Variants in CACNB2 observed in about 807,000 individuals in gnomAD.
CACNB2 encodes calcium voltage-gated channel auxiliary subunit beta 2.
A neutral mutation model predicts 73.3 loss-of-function variants in CACNB2; 42 were observed. The observed-to-expected ratio is 0.57, with a 90% CI of 0.45 to 0.74. The LOEUF (loss-of-function observed/expected upper bound fraction) is 0.74. CACNB2 is among the 30% of genes least tolerant of loss of function. CACNB2 has a pLI of 0.00. For synonymous variants in CACNB2, 348 were observed against 310.3 expected, an observed-to-expected ratio of 1.12 and a Z score of -1.28; for missense variants, 940 against 853.0, an observed-to-expected ratio of 1.10 and a Z score of -1.27.
At chr10:18,456,454 A>G (rs1230638110) in intron 3 of CACNB2, among the ~76,000 whole-genome samples, 1 of 152,024 alleles carries the variant, frequency 6.6e-6, no homozygotes, top group African/African-American at 2.4e-5. Context: ...ACAGAGCAAG[A>G]CTCCATCTCA....
intron 2 of CACNB2, among the ~76,000 whole-genome samples, chr10:18,234,017 T>C (rs999822148): frequency 6.6e-6 from 1 of 152,084 alleles, no homozygotes; most frequent in Non-Finnish European, 1.5e-5. Context: ...CAATTCCAGT[T>C]CCTGATGGTA....
rs1220271245 is a variant in CACNB2 at position 18,541,613 on chromosome 10, CA to C, written c.*1891del. 1 of 152,154 alleles carries C rather than the reference CA, an allele frequency of 6.6e-6. No homozygotes were observed. The highest frequency in any genetic ancestry group is 2.4e-5 in the African/African-American group (1 of 41,422). The allele number at this position is 152,154 out of a possible 1,614,324, so 9.4% of individuals were successfully genotyped here. On this transcript the variant is annotated 3_prime_UTR_variant, in exon 14 of 14. Transcript: ENST00000324631. ...CAGTGGCTCATGCCTGTAATCCCAG[CA>C]ATTTGGGAGGCTGAGGAGGGTGGAT...
intron 2 of CACNB2, among the ~76,000 whole-genome samples, chr10:18,339,403 C>A (rs1483772225): frequency 6.6e-6 from 1 of 152,148 alleles, no homozygotes. Context: ...GGCCTATAAT[C>A]CCAGCTACTC....
chr10:18,224,232 A>G (rs891194667), intron 2 of CACNB2: 7 of 152,146 alleles, frequency 4.6e-5, no homozygotes, highest in Admixed American at 4.6e-4. Context: ...ACTGCTTTAA[A>G]CACAGCAAAC....
chr10:18,387,743 G>A (rs1002869523), intron 2 of CACNB2, among the ~76,000 whole-genome samples: 1 of 151,714 alleles, frequency 6.6e-6, no homozygotes, highest in Non-Finnish European at 1.5e-5. Context: ...CATAGTCACC[G>A]AGCCATTTCT....
At chr10:18,474,530 A>G (rs1476491903) in intron 3 of CACNB2, among the ~76,000 whole-genome samples, 1 of 152,132 alleles carries the variant, frequency 6.6e-6, no homozygotes, top group African/African-American at 2.4e-5. Flanking sequence ...CAATTCCCCA[A>G]CTGTTTTCCT....
chr10:18,326,001 G>C (rs2040576506), intron 2 of CACNB2, among the ~76,000 whole-genome samples: 1 of 152,080 alleles, frequency 6.6e-6, no homozygotes, highest in South Asian at 2.1e-4. Flanking sequence ...TCCCAAAGCT[G>C]CTGAGATTAT....
intron 2 of CACNB2, among the ~76,000 whole-genome samples, chr10:18,350,035 G>A (rs2041640067): frequency 6.6e-6 from 1 of 152,126 alleles, no homozygotes; most frequent in South Asian, 2.1e-4. Flanking sequence ...CCTGAGGTCA[G>A]GAGTTTGAGA....
At chr10:18,346,612 G>C (rs1391769294) in intron 2 of CACNB2, among the ~76,000 whole-genome samples, 13 of 150,778 alleles carry the variant, frequency 8.6e-5, no homozygotes, top group Admixed American at 6.6e-5. Context: ...GGGGAGCTCG[G>C]GGGGCACAGG....
intron 2 of CACNB2, among the ~76,000 whole-genome samples, chr10:18,279,615 G>T (rs544259949): frequency 1.3e-5 from 2 of 152,314 alleles, no homozygotes; most frequent in East Asian, 3.9e-4. Flanking sequence ...TCTGACAAGG[G>T]TTGGCATTTA....
intron 2 of CACNB2, among the ~76,000 whole-genome samples, chr10:18,242,753 G>C (rs995628558): frequency 6.6e-6 from 1 of 151,878 alleles, no homozygotes; most frequent in Non-Finnish European, 1.5e-5. Context: ...GGGAGGCTGA[G>C]GCAGGTGGAT....
In CACNB2 at chr10:18,156,873, A is replaced by AC. The variant is rs1554761552; in HGVS notation, c.213+5898_213+5899insC. On this transcript the variant is annotated intron_variant, in intron 2 of 13. Transcript: ENST00000324631. ...GAGAAACCCTGTCTCTACTAAAAGT[A>AC]GAAAAAAAAAAAAAAATTGGCTGGG... 7.3e-3 allele frequency among the ~76,000 whole-genome samples: 939 copies of AC among 128,772 alleles called. 14 individuals carry two copies. Among genetic ancestry groups the AC allele is most frequent in the African/African-American group, 0.024 (799 of 33,334 alleles). The allele number at this position is 128,772 out of a possible 152,430, so 84.5% of individuals were successfully genotyped here.
intron 2 of CACNB2, among the ~76,000 whole-genome samples, chr10:18,241,448 AG>A (rs1315250317): frequency 6.6e-6 from 1 of 152,124 alleles, no homozygotes; most frequent in African/African-American, 2.4e-5. Flanking sequence ...GTGGGAGGCT[AG>A]GGGAGGGATA....
chr10:18,421,339 C>T (rs1215588778), intron 3 of CACNB2, among the ~76,000 whole-genome samples: 4 of 150,836 alleles, frequency 2.7e-5, no homozygotes, highest in African/African-American at 9.8e-5. Flanking sequence ...CTCTTGTTGC[C>T]CAGGCTGGAG....
At chr10:18,442,103 T>A (rs1589367054) in intron 3 of CACNB2, among the ~76,000 whole-genome samples, 1 of 151,990 alleles carries the variant, frequency 6.6e-6, no homozygotes, top group Admixed American at 6.6e-5. Context: ...ATGAGGGAGG[T>A]GGAAAGGATC....
intron 3 of CACNB2, among the ~76,000 whole-genome samples, chr10:18,452,728 G>C (rs911111227): frequency 6.6e-6 from 1 of 152,170 alleles, no homozygotes; most frequent in Non-Finnish European, 1.5e-5. Flanking sequence ...CTTATAGACA[G>C]AAGTTCTCTA....
At chr10:18,353,314 G>T (rs1184282810) in intron 2 of CACNB2, among the ~76,000 whole-genome samples, 2 of 152,066 alleles carry the variant, frequency 1.3e-5, no homozygotes, top group Non-Finnish European at 2.9e-5. Context: ...GGAGGCTGAG[G>T]CAGGAGAATC....
At chr10:18,322,148 C>A (rs921959885) in intron 2 of CACNB2, among the ~76,000 whole-genome samples, 2 of 152,016 alleles carry the variant, frequency 1.3e-5, no homozygotes, top group Non-Finnish European at 2.9e-5. Flanking sequence ...AGAGCAAGAC[C>A]CTGTCCCCAC....
intron 2 of CACNB2, among the ~76,000 whole-genome samples, chr10:18,228,632 A>G (rs920747360): frequency 2.0e-5 from 3 of 152,144 alleles, no homozygotes; most frequent in Admixed American, 6.6e-5. Flanking sequence ...TAGTGTCGGT[A>G]GGACAGTTGG....
Sources: allele counts gnomAD v4.1 joint callset (sites outside exome capture counted in the v4.1 genomes callset), GRCh38; gene constraint gnomAD v4.1.1; transcripts MANE v1.5; gene names NCBI Gene and HGNC (gene_info 2026-07-23, HGNC 2026-07-21).